Variants in NDRG3 observed in about 807,000 individuals in gnomAD.
NDRG3 encodes NDRG family member 3.
In NDRG3, 23 loss-of-function variants were observed where a neutral mutation model predicts 57.2. That is an observed-to-expected ratio of 0.40 (90% CI 0.29 to 0.57). NDRG3 has a LOEUF of 0.57. Among genes scored for constraint, NDRG3 ranks in the 20% least tolerant of loss-of-function variants. The pLI is 0.42. For missense variants in NDRG3, 384 were observed against 457.3 expected (o/e 0.84, Z 1.46); for synonymous variants, 132 against 162.6 (o/e 0.81, Z 1.43).
At chr20:36,723,862 A>G (rs899061728) in intron 1 of NDRG3, among the ~76,000 whole-genome samples, 3 of 151,824 alleles carry the variant, frequency 2.0e-5, no homozygotes, top group African/African-American at 7.3e-5. Flanking sequence ...ACCTGCTACC[A>G]TGCCCAGCTA....
At chr20:36,733,986 T>A (rs1985478205) in intron 1 of NDRG3, among the ~76,000 whole-genome samples, 1 of 152,228 alleles carries the variant, frequency 6.6e-6, no homozygotes. Context: ...TCTCACTGGA[T>A]TATTATGATG....
intron 1 of NDRG3, among the ~76,000 whole-genome samples, chr20:36,723,744 T>C (rs1427582871): frequency 1.3e-5 from 2 of 150,726 alleles, no homozygotes; most frequent in Admixed American, 6.6e-5. Context: ...TCTTGCTCTG[T>C]CACCCAGGCT....
intron 1 of NDRG3, among the ~76,000 whole-genome samples, chr20:36,729,395 G>C (rs1985139643): frequency 6.6e-6 from 1 of 152,152 alleles, no homozygotes; most frequent in Non-Finnish European, 1.5e-5. Context: ...TCTATCACCT[G>C]GGAATCTTGT....
At position 36,652,961 on chromosome 20, in the gene NDRG3, T is replaced by C. The variant is rs2148008846; in HGVS notation, c.*559A>G. 6.5e-6 allele frequency: 1 copy of C among 152,696 alleles called. No individual in the cohort carries two copies. Among genetic ancestry groups the C allele is most frequent in the South Asian group, 2.1e-4 (1 of 4,826 alleles). The allele number at this position is 152,696 out of a possible 1,614,324, so 9.5% of individuals were successfully genotyped here. Reference sequence around the variant, plus strand: ...ATGGTCCAGACGGCAATTATGATTTTCCACATTCCTCAAAGCTGCTCTCTC... The same window carrying C: ...ATGGTCCAGACGGCAATTATGATTTCCCACATTCCTCAAAGCTGCTCTCTC... On this transcript the variant is annotated 3_prime_UTR_variant, in exon 16 of 16. Transcript: ENST00000349004.
intron 1 of NDRG3, among the ~76,000 whole-genome samples, chr20:36,731,534 G>A (rs1162167896): frequency 6.6e-6 from 1 of 152,096 alleles, no homozygotes; most frequent in Non-Finnish European, 1.5e-5. Flanking sequence ...TAGGCCAGGC[G>A]CGATGGGTCA....
At chr20:36,694,547 T>C (rs1343878803) in intron 3 of NDRG3, among the ~76,000 whole-genome samples, 1 of 152,162 alleles carries the variant, frequency 6.6e-6, no homozygotes, top group Admixed American at 6.6e-5. Flanking sequence ...GTGTGGTGTC[T>C]ACTAGCTCTT....
chr20:36,726,205 G>T (rs998339273), intron 1 of NDRG3, among the ~76,000 whole-genome samples: 1 of 152,118 alleles, frequency 6.6e-6, no homozygotes, highest in African/African-American at 2.4e-5. Flanking sequence ...TTACAGGTGT[G>T]AGCCACCATA....
At chr20:36,736,541 C>T (rs559291926) in intron 1 of NDRG3, among the ~76,000 whole-genome samples, 29 of 152,330 alleles carry the variant, frequency 1.9e-4, no homozygotes, top group Admixed American at 8.5e-4. Flanking sequence ...TATCTGATGA[C>T]TTGGCTCTTA....
intron 1 of NDRG3, among the ~76,000 whole-genome samples, chr20:36,728,506 A>G (rs2148211266): frequency 6.6e-6 from 1 of 152,320 alleles, no homozygotes; most frequent in African/African-American, 2.4e-5. Context: ...GGATGGGTGG[A>G]TGGATACATG....
chr20:36,741,837 T>C (rs1465668287), intron 1 of NDRG3, among the ~76,000 whole-genome samples: 1 of 152,196 alleles, frequency 6.6e-6, no homozygotes, highest in South Asian at 2.1e-4. Flanking sequence ...TCAGAAACTC[T>C]GAAGGTCGAG....
chr20:36,732,586 C>T (rs1185634259), intron 1 of NDRG3, among the ~76,000 whole-genome samples: 1 of 152,132 alleles, frequency 6.6e-6, no homozygotes, highest in Non-Finnish European at 1.5e-5. Context: ...TTTTGAGTCC[C>T]TGACAGGGCT....
intron 1 of NDRG3, among the ~76,000 whole-genome samples, chr20:36,729,352 A>G (rs989983291): frequency 1.3e-5 from 2 of 152,168 alleles, no homozygotes; most frequent in Non-Finnish European, 2.9e-5. Flanking sequence ...GGCAAGGGCT[A>G]TTTCTTGCTT....
intron 1 of NDRG3, among the ~76,000 whole-genome samples, chr20:36,722,609 T>G (rs1984660765): frequency 1.3e-5 from 2 of 152,008 alleles, no homozygotes; most frequent in Non-Finnish European, 2.9e-5. Context: ...TACTGCAGGA[T>G]GAGGACTTGA....
intron 8 of NDRG3, among the ~76,000 whole-genome samples, chr20:36,671,694 C>T (rs779551390): frequency 1.3e-5 from 2 of 148,652 alleles, no homozygotes; most frequent in Admixed American, 6.9e-5. Flanking sequence ...CCCTGCTACT[C>T]GGGAGGTTGA....
intron 9 of NDRG3, among the ~76,000 whole-genome samples, 161 bp from the exon 10 acceptor site, chr20:36,666,553 G>T (rs1365903908): frequency 6.6e-6 from 1 of 152,172 alleles, no homozygotes; most frequent in Non-Finnish European, 1.5e-5. Flanking sequence ...CTGAATGACT[G>T]ATTATTTGCA....
intron 2 of NDRG3, among the ~76,000 whole-genome samples, chr20:36,712,088 G>A (rs905870422): frequency 1.3e-5 from 2 of 151,612 alleles, no homozygotes; most frequent in African/African-American, 4.8e-5. Context: ...GCACCTGGTT[G>A]TTTTTTTGTT....
At position 36,653,740 on chromosome 20, in the gene NDRG3, C is replaced by T. The variant is rs781562527; in HGVS notation, c.947-39G>A. The T allele has an allele frequency of 1.1e-5, 18 of 1,584,322 alleles. No individual in the cohort carries two copies. Among genetic ancestry groups the T allele is most frequent in the Admixed American group, 3.4e-5 (2 of 58,804 alleles). On this transcript the variant is annotated intron_variant, in intron 15 of 15. Coordinates refer to ENST00000349004, the MANE Select transcript of NDRG3 (RefSeq NM_032013.4). The surrounding 1 kb of genome is among the most constrained non-coding windows in gnomAD (Gnocchi z 4.2). ...CCAAGGGGACTAGAAGATGAAGCCC[C>T]GGTTAAGCCCAGCTAACCTAGGAGT... is the stretch of plus-strand genomic sequence containing the variant.
At position 36,711,142 on chromosome 20, in the gene NDRG3, C is replaced by T. The variant is rs6101921; in HGVS notation, c.58-4135G>A. Among the ~76,000 whole-genome samples, 964 of 148,870 alleles carry T rather than the reference C, an allele frequency of 6.5e-3. 12 individuals carry two copies. Among genetic ancestry groups the T allele is most frequent in the African/African-American group, 0.022 (902 of 40,596 alleles). ...AAAAAAAAAAAAAAAAATAGCCGGGCGTGGTGGCAGGCGCCTGTAGTCCCA... is the reference window on the plus strand; with the variant it reads ...AAAAAAAAAAAAAAAAATAGCCGGGTGTGGTGGCAGGCGCCTGTAGTCCCA... On this transcript the variant is annotated intron_variant, in intron 2 of 15. Coordinates refer to ENST00000349004, the MANE Select transcript of NDRG3 (RefSeq NM_032013.4).
chr20:36,709,156 C>T (rs561537473), intron 2 of NDRG3, among the ~76,000 whole-genome samples: 15 of 152,312 alleles, frequency 9.8e-5, no homozygotes, highest in African/African-American at 3.4e-4. Flanking sequence ...CTATCCAGTA[C>T]GGTAGCCGTT....
Sources: allele counts gnomAD v4.1 joint callset (sites outside exome capture counted in the v4.1 genomes callset), GRCh38; gene constraint gnomAD v4.1.1; non-coding constraint Gnocchi (gnomAD v3.1); transcripts MANE v1.5; gene names NCBI Gene and HGNC (gene_info 2026-07-23, HGNC 2026-07-21).